The following MATN2 variants were observed in gnomAD, a reference collection of about 807,000 sequenced individuals.
The protein encoded by MATN2 is matrilin 2.
MATN2 carries 69 observed loss-of-function variants against 103.2 expected under a neutral mutation model. That is an observed-to-expected ratio of 0.67 (90% CI 0.55 to 0.82). The LOEUF is 0.82. MATN2 is among the 40% of genes least tolerant of loss of function. MATN2 has a pLI of 0.00. For missense variants in MATN2, 1,023 were observed against 1,211.5 expected (o/e 0.84, Z 2.31); for synonymous variants, 429 against 450.2 (o/e 0.95, Z 0.60).
At chr8:97,898,320 G>C (rs948042024) in intron 2 of MATN2, among the ~76,000 whole-genome samples, 3 of 152,138 alleles carry the variant, frequency 2.0e-5, no homozygotes, top group African/African-American at 7.2e-5. Context: ...TGACGGCCGG[G>C]TGCGGTGGCT....
rs62521938 is a variant in MATN2, at chr8:97,939,182, C to T, written c.713-2595C>T. Among the ~76,000 whole-genome samples the T allele has an allele frequency of 6.9e-4, 105 of 152,138 alleles. 1 individual carries two copies. The highest frequency in any genetic ancestry group is 1.1e-3 in the Non-Finnish European group (73 of 67,982). ...GTGAGCCACCATGCCTGGCCGAAAA[C>T]ATCGTATTTGATATATACCATTGAT... On this transcript the variant is annotated intron_variant, in intron 3 of 18. Transcript: ENST00000254898.
At chr8:97,944,804 C>T (rs1364048114) in intron 4 of MATN2, among the ~76,000 whole-genome samples, 2 of 152,184 alleles carry the variant, frequency 1.3e-5, no homozygotes, top group Non-Finnish European at 2.9e-5. Flanking sequence ...CACAGTGGGC[C>T]TGGAGAGGAG....
intron 5 of MATN2, among the ~76,000 whole-genome samples, chr8:97,973,081 G>C (rs555883656): frequency 6.6e-6 from 1 of 152,248 alleles, no homozygotes; most frequent in Admixed American, 6.5e-5. Context: ...AACTCTCTTG[G>C]CCTTAAAAAA....
rs5893441 is a variant in MATN2, at chr8:97,966,565, C to CAA, written c.958+5049_958+5050dup. On this transcript the variant is annotated intron_variant, in intron 5 of 18. Coordinates refer to ENST00000254898, the MANE Select transcript of MATN2 (RefSeq NM_002380.5). ...TGGGCAACAGAGTAAGACCTTGTCT[C>CAA]AAAAAAAAAAAAAAATGTTGGGGTG... 3.4e-3 allele frequency among the ~76,000 whole-genome samples: 476 copies of CAA among 141,968 alleles called. 3 individuals are homozygous for CAA. Among genetic ancestry groups the CAA allele is most frequent in the Non-Finnish European group, 4.4e-3 (291 of 65,650 alleles). The allele number at this position is 141,968 out of a possible 152,430, so 93.1% of individuals were successfully genotyped here.
chr8:97,927,292 C>T (rs866945133), intron 2 of MATN2, among the ~76,000 whole-genome samples: 108 of 151,884 alleles, frequency 7.1e-4, no homozygotes, highest in African/African-American at 2.3e-3. Flanking sequence ...TATGGGCATG[C>T]ACCACCACAC....
intron 7 of MATN2, among the ~76,000 whole-genome samples, 194 bp from the exon 8 acceptor site, chr8:98,003,467 A>G (rs567928807): frequency 6.6e-6 from 1 of 152,308 alleles, no homozygotes; most frequent in South Asian, 2.1e-4. Context: ...CTCAGTCGTC[A>G]TTAAATCTCT....
chr8:97,978,790 A>T (rs1037554584), intron 5 of MATN2, 96 bp from the exon 6 acceptor site: 1 of 1,165,880 alleles, frequency 8.6e-7, no homozygotes, highest in Non-Finnish European at 1.3e-6. Flanking sequence ...AATAATATTA[A>T]TCCTAATTAA....
intron 2 of MATN2, among the ~76,000 whole-genome samples, chr8:97,891,587 C>A (rs947169805): frequency 9.2e-5 from 14 of 152,118 alleles, no homozygotes; most frequent in African/African-American, 3.4e-4. Flanking sequence ...ATCCTCCCCC[C>A]TCAGTCTCCC....
chr8:98,025,825 C>T, intron 13 of MATN2: 1 of 385,304 alleles, frequency 2.6e-6, no homozygotes, highest in South Asian at 1.9e-5. Context: ...AAAAGCCTCT[C>T]CACACCCAAA....
At chr8:98,023,285 T>C (rs1813668042) in intron 13 of MATN2, among the ~76,000 whole-genome samples, 1 of 147,286 alleles carries the variant, frequency 6.8e-6, no homozygotes, top group South Asian at 2.3e-4. Context: ...ACAAAAATTA[T>C]ATAAACTCTT....
intron 16 of MATN2, 116 bp from the exon 17 acceptor site, chr8:98,032,926 C>T: frequency 2.2e-6 from 2 of 906,006 alleles, no homozygotes; most frequent in Non-Finnish European, 3.1e-6. Context: ...TCAGTATGTC[C>T]CAAAGTAAAG....
Position 98,035,513 on chromosome 8 carries a change from G to A in MATN2, c.2816-144G>A, listed in dbSNP as rs186335977. ...TGAGTTCTACAAATTTACAAGTCAG[G>A]GTTTTAACATACTTGACAGAAATGG... On this transcript the variant is annotated intron_variant, in intron 18 of 18. Transcript: ENST00000254898. 122 of 526,322 alleles carry A rather than the reference G, an allele frequency of 2.3e-4. No homozygotes were observed. The East Asian group carries it at 2.4e-3, about 10-fold the overall frequency. 32.6% of individuals were successfully genotyped at this position (526,322 alleles called of 1,614,324 possible). A position where few individuals can be genotyped will look rare whatever the true frequency, so the allele number is the denominator to read the frequency against.
chr8:97,961,419 T>G lies in MATN2; in HGVS notation c.847T>G (p.Cys283Gly), dbSNP rs763859504. ...DQTTCRIQDL[C>G]AMEDHNCEQL... Reference sequence around the variant, plus strand: ...TGACTTTGCCTCAGTCCAGGATCTGTGTGCCATGGAGGACCACAACTGTGA... The same window carrying G: ...TGACTTTGCCTCAGTCCAGGATCTGGGTGCCATGGAGGACCACAACTGTGA... Residue 283 changes from cysteine to glycine, a missense_variant, in exon 5 of 19, where the codon TGT becomes GGT. Transcript: ENST00000254898. 1.2e-6 allele frequency: 2 copies of G among 1,612,966 alleles called. No individual in the cohort carries two copies. Among genetic ancestry groups the G allele is most frequent in the African/African-American group, 2.7e-5 (2 of 74,884 alleles).
intron 2 of MATN2, among the ~76,000 whole-genome samples, chr8:97,893,814 A>T (rs1176240710): frequency 6.6e-6 from 1 of 152,058 alleles, no homozygotes. Flanking sequence ...AAGTGCTGGG[A>T]TTACTGGCGT....
Position 97,978,883 on chromosome 8 carries a change from C to A in MATN2, c.959-3C>A, listed in dbSNP as rs371269983. The A allele has an allele frequency of 2.5e-6, 4 of 1,613,638 alleles. No individual in the cohort carries two copies. The highest frequency in any genetic ancestry group is 3.4e-6 in the Non-Finnish European group (4 of 1,179,800). ...AATTCTGAATGTGTTTTATTCTCTC[C>A]AGCTGTGGACTACTGTGCCTCAGAA... On this transcript the variant is annotated splice_region_variant and splice_polypyrimidine_tract_variant and intron_variant, in intron 5 of 18. Transcript: ENST00000254898.
rs949784037 is a variant in MATN2 at position 97,869,132 on chromosome 8, C to T, written c.-182C>T. ...TGGGACTTGGAGCAAGCGGCGGCGG[C>T]GGAGACAGAGGCAGAGGCAGAAGCT... is the stretch of plus-strand genomic sequence containing the variant. On this transcript the variant is annotated 5_prime_UTR_variant, in exon 1 of 19. Transcript: ENST00000254898. 6.6e-6 allele frequency: 1 copy of T among 152,418 alleles called. No homozygotes were observed. Among genetic ancestry groups the T allele is most frequent in the Non-Finnish European group, 1.5e-5 (1 of 68,244 alleles). 9.4% of individuals were successfully genotyped at this position (152,418 alleles called of 1,614,324 possible). A position where few individuals can be genotyped will look rare whatever the true frequency, so the allele number is the denominator to read the frequency against.
intron 6 of MATN2, among the ~76,000 whole-genome samples, chr8:97,989,297 G>A (rs995846248): frequency 4.8e-4 from 73 of 152,054 alleles, no homozygotes; most frequent in African/African-American, 1.6e-3. Flanking sequence ...GTGAAACCCC[G>A]TCTCTCCTAA....
intron 2 of MATN2, among the ~76,000 whole-genome samples, chr8:97,917,320 C>A (rs1316588669): frequency 1.3e-5 from 2 of 152,224 alleles, no homozygotes; most frequent in Non-Finnish European, 2.9e-5. Context: ...TTGGTAGTAG[C>A]TTGTTCAAGG....
intron 7 of MATN2, among the ~76,000 whole-genome samples, chr8:97,998,597 T>C (rs1309628842): frequency 6.6e-6 from 1 of 151,158 alleles, no homozygotes; most frequent in Non-Finnish European, 1.5e-5. Context: ...ATGTTTTTCT[T>C]TTTATATTTT....
Sources: gnomAD v4.1 joint callset for allele counts (sites outside exome capture counted in the v4.1 genomes callset) on GRCh38, gnomAD v4.1.1 for gene constraint, MANE v1.5 for transcripts, NCBI Gene and HGNC (gene_info 2026-07-23, HGNC 2026-07-21) for gene names.